Variants in CDC37L1 observed in about 807,000 individuals in gnomAD.
CDC37L1 encodes hsp90 co-chaperone Cdc37-like 1.
A neutral mutation model predicts 45.9 loss-of-function variants in CDC37L1; 32 were observed. The observed-to-expected ratio is 0.70, with a 90% CI of 0.53 to 0.94. The LOEUF (loss-of-function observed/expected upper bound fraction) is 0.94, where lower values mean the gene tolerates loss of function less well. Ranked by LOEUF, CDC37L1 falls within the 40% of genes least tolerant of loss-of-function variation. The probability of loss-of-function intolerance (pLI) is 0.00; values close to 1 mark genes in which losing one functional copy is unlikely to be tolerated. For synonymous variants in CDC37L1, 150 were observed against 133.0 expected, an observed-to-expected ratio of 1.13 and a Z score of -0.88; for missense variants, 434 against 405.7, an observed-to-expected ratio of 1.07 and a Z score of -0.60.
intron 1 of CDC37L1, 130 bp from the exon 2 acceptor site, chr9:4,684,747 A>C (rs2130843336): frequency 1.6e-6 from 1 of 612,422 alleles, no homozygotes; most frequent in East Asian, 2.8e-5. Flanking sequence ...ACATGACTGC[A>C]GACCTAGAAC....
At chr9:4,697,674 T>C in intron 4 of CDC37L1, 83 bp from the exon 5 acceptor site, 1 of 678,278 alleles carries the variant, frequency 1.5e-6, no homozygotes, top group Admixed American at 2.9e-5. Context: ...ATCAAAAGTA[T>C]TTTAAAAATT....
chr9:4,694,657 G>C (rs1214190456), intron 3 of CDC37L1, among the ~76,000 whole-genome samples: 2 of 152,124 alleles, frequency 1.3e-5, no homozygotes, highest in Non-Finnish European at 2.9e-5. Flanking sequence ...TGGATCATGA[G>C]GTTAGGAGTT....
At chr9:4,683,874 T>C (rs1013482255) in intron 1 of CDC37L1, among the ~76,000 whole-genome samples, 2 of 152,234 alleles carry the variant, frequency 1.3e-5, no homozygotes, top group Non-Finnish European at 2.9e-5. Flanking sequence ...AGCCAAGGAA[T>C]ATAGGGTATT....
chr9:4,691,293 A>G (rs1194961849), intron 3 of CDC37L1, among the ~76,000 whole-genome samples: 1 of 152,152 alleles, frequency 6.6e-6, no homozygotes, highest in African/African-American at 2.4e-5. Context: ...TATTAAGCCT[A>G]GTATTCATTA....
intron 2 of CDC37L1, among the ~76,000 whole-genome samples, chr9:4,687,311 GTACT>G (rs944996462): frequency 2.0e-5 from 3 of 152,112 alleles, no homozygotes; most frequent in African/African-American, 7.2e-5. Flanking sequence ...CTGAAAATAA[GTACT>G]TCCTTAATAG....
chr9:4,698,713 AG>A (rs1402775717), intron 5 of CDC37L1, among the ~76,000 whole-genome samples: 1 of 152,116 alleles, frequency 6.6e-6, no homozygotes, highest in African/African-American at 2.4e-5. Context: ...AGGAACCCGG[AG>A]GGGCTTCAAG....
At chr9:4,695,998 C>G (rs1475442808) in intron 3 of CDC37L1, among the ~76,000 whole-genome samples, 1 of 152,190 alleles carries the variant, frequency 6.6e-6, no homozygotes, top group African/African-American at 2.4e-5. Context: ...GTTGGCCAGG[C>G]TGGTCTCGAA....
intron 3 of CDC37L1, among the ~76,000 whole-genome samples, chr9:4,695,063 T>C (rs1476377374): frequency 1.3e-5 from 2 of 152,028 alleles, no homozygotes; most frequent in Non-Finnish European, 2.9e-5. Context: ...GTAGATAGAG[T>C]TGAAAATATT....
intron 5 of CDC37L1, among the ~76,000 whole-genome samples, chr9:4,700,780 T>C (rs770916108): frequency 2.0e-5 from 3 of 152,198 alleles, no homozygotes; most frequent in Non-Finnish European, 4.4e-5. Context: ...TGCTATCTTA[T>C]GGGTGAAGAA....
chr9:4,696,482 GGAGAAAAAAAAGAA>G (rs987852561), intron 3 of CDC37L1, among the ~76,000 whole-genome samples: 3 of 106,724 alleles, frequency 2.8e-5, no homozygotes, highest in Admixed American at 8.3e-5. Context: ...TCATCTTTAT[GGAGAAAAAAAAGAA>G]GAGAAAAAAA....
In CDC37L1 at chr9:4,708,295, A is replaced by T. The variant is rs1417893648; in HGVS notation, c.*2183A>T. On this transcript the variant is annotated 3_prime_UTR_variant, in exon 7 of 7. Coordinates refer to ENST00000381854, the MANE Select transcript of CDC37L1 (RefSeq NM_017913.4). The stretch of plus-strand genomic sequence containing the variant: ...ACCCTAAACAAATTAAACCATGGAA[A>T]GTGCAAACACATGAATGAAACATTT... The T allele has an allele frequency of 6.6e-6, 1 of 152,252 alleles. No homozygotes were observed. 9.4% of individuals were successfully genotyped at this position (152,252 alleles called of 1,614,324 possible).
At chr9:4,695,353 T>C (rs1454041537) in intron 3 of CDC37L1, among the ~76,000 whole-genome samples, 1 of 152,198 alleles carries the variant, frequency 6.6e-6, no homozygotes, top group Non-Finnish European at 1.5e-5. Flanking sequence ...TCTTATACTT[T>C]AAGAAGTAGT....
At chr9:4,688,657 A>G in intron 3 of CDC37L1, 51 bp downstream of exon 3, 1 of 1,159,630 alleles carries the variant, frequency 8.6e-7, no homozygotes, top group Non-Finnish European at 1.2e-6. Flanking sequence ...TATCATATGT[A>G]CATGTGCAAA....
chr9:4,695,008 T>C (rs941864592), intron 3 of CDC37L1, among the ~76,000 whole-genome samples: 2 of 152,214 alleles, frequency 1.3e-5, no homozygotes, highest in Non-Finnish European at 2.9e-5. Flanking sequence ...GTCACAATGC[T>C]GCCATGAAGA....
chr9:4,704,597 T>C (rs1471077497), intron 6 of CDC37L1, among the ~76,000 whole-genome samples: 1 of 152,196 alleles, frequency 6.6e-6, no homozygotes, highest in East Asian at 1.9e-4. Context: ...AATTGTAAGC[T>C]CTGTTCCAGA....
chr9:4,683,390 A>G (rs1256562542), intron 1 of CDC37L1, among the ~76,000 whole-genome samples: 1 of 152,104 alleles, frequency 6.6e-6, no homozygotes, highest in Non-Finnish European at 1.5e-5. Flanking sequence ...AGAAATATGC[A>G]TAACTTGGGT....
At position 4,697,083 on chromosome 9, in the gene CDC37L1, CT is replaced by C; in HGVS notation, c.509-5del. On this transcript the variant is annotated splice_polypyrimidine_tract_variant and intron_variant, in intron 3 of 6. Transcript: ENST00000381854. ...AATATTTGACACTTATGGTTCAATTCTTTTTTTTACAGGTATGTTGAGTCGA... is the reference window on the plus strand; with the variant it reads ...AATATTTGACACTTATGGTTCAATTCTTTTTTTACAGGTATGTTGAGTCGA... The C allele has an allele frequency of 6.5e-5, 76 of 1,174,864 alleles. No homozygotes were observed. The highest frequency in any genetic ancestry group is 7.9e-5 in the Non-Finnish European group (63 of 796,330). The allele number at this position is 1,174,864 out of a possible 1,614,324, so 72.8% of individuals were successfully genotyped here.
At chr9:4,703,935 T>C (rs1178194716) in intron 6 of CDC37L1, among the ~76,000 whole-genome samples, 1 of 152,184 alleles carries the variant, frequency 6.6e-6, no homozygotes, top group Non-Finnish European at 1.5e-5. Flanking sequence ...GGAGACCAAT[T>C]CCTTATGGTA....
intron 1 of CDC37L1, among the ~76,000 whole-genome samples, chr9:4,680,394 T>A (rs1841179623): frequency 6.6e-6 from 1 of 152,200 alleles, no homozygotes; most frequent in South Asian, 2.1e-4. Flanking sequence ...GACAACTGAG[T>A]AAATTCTTTA....
Sources: allele counts gnomAD v4.1 joint callset (sites outside exome capture counted in the v4.1 genomes callset), GRCh38; gene constraint gnomAD v4.1.1; transcripts MANE v1.5; gene names NCBI Gene and HGNC (gene_info 2026-07-23, HGNC 2026-07-21).